Variants in RUFY2 observed in about 807,000 individuals in gnomAD.
The protein encoded by RUFY2 is RUN and FYVE domain containing 2.
RUFY2 carries 49 observed loss-of-function variants against 94.4 expected under a neutral mutation model. That is an observed-to-expected ratio of 0.52 (90% CI 0.41 to 0.66). The LOEUF (loss-of-function observed/expected upper bound fraction) is 0.66, where lower values mean the gene tolerates loss of function less well. RUFY2 is among the 30% of genes least tolerant of loss of function. The pLI is 0.00. For missense variants in RUFY2, 541 were observed against 692.8 expected (o/e 0.78, Z 2.46); for synonymous variants, 255 against 235.7 (o/e 1.08, Z -0.75).
intron 16 of RUFY2, among the ~76,000 whole-genome samples, chr10:68,349,833 C>T (rs1012199164): frequency 6.0e-5 from 9 of 151,146 alleles, no homozygotes; most frequent in Middle Eastern, 3.2e-3. Context: ...CCACCGCGCC[C>T]GGCCAGAAAA....
intron 6 of RUFY2, 68 bp downstream of exon 6, chr10:68,394,007 A>C (rs1377388393): frequency 6.9e-7 from 1 of 1,458,924 alleles, no homozygotes; most frequent in Non-Finnish European, 9.1e-7. Context: ...AAATAGATGG[A>C]TCTTATAATG....
intron 15 of RUFY2, among the ~76,000 whole-genome samples, chr10:68,357,898 A>C (rs1013663528): frequency 4.6e-5 from 7 of 152,172 alleles, no homozygotes; most frequent in Non-Finnish European, 8.8e-5. Context: ...TTAAAATTAC[A>C]ATGACTAGTT....
At chr10:68,378,630 A>C in intron 12 of RUFY2, 2 of 1,613,196 alleles carry the variant, frequency 1.2e-6, no homozygotes, top group Non-Finnish European at 1.7e-6. Flanking sequence ...TTCACCAATG[A>C]CATTGCAATT....
intron 3 of RUFY2, among the ~76,000 whole-genome samples, chr10:68,399,340 C>A (rs954110465): frequency 5.9e-5 from 9 of 152,140 alleles, no homozygotes; most frequent in Non-Finnish European, 1.2e-4. Context: ...CCACCACACC[C>A]AGCCACTTTA....
chr10:68,358,249 T>C lies in RUFY2; in HGVS notation c.1551-2848A>G, dbSNP rs116499677. ...AATTGGAATGACTAAAACATTAGTA[T>C]TAATTCTCTTACAAATGAAATTCCT... is the stretch of plus-strand genomic sequence containing the variant. On this transcript the variant is annotated intron_variant, in intron 15 of 17. Transcript: ENST00000602465. Among the ~76,000 whole-genome samples the C allele has an allele frequency of 6.2e-3, 940 of 152,268 alleles. 16 individuals are homozygous for C. The highest frequency in any genetic ancestry group is 0.022 in the African/African-American group (903 of 41,568).
intron 16 of RUFY2, among the ~76,000 whole-genome samples, chr10:68,350,944 C>A (rs979409484): frequency 6.6e-6 from 1 of 151,902 alleles, no homozygotes; most frequent in Non-Finnish European, 1.5e-5. Flanking sequence ...CTCCCGACCT[C>A]AGGTGATCTG....
chr10:68,382,080 G>A (rs1396140376), intron 10 of RUFY2, among the ~76,000 whole-genome samples: 5 of 145,378 alleles, frequency 3.4e-5, no homozygotes, highest in Admixed American at 1.4e-4. Context: ...ACGGAGTCTC[G>A]CTCTGTTGCC....
intron 16 of RUFY2, among the ~76,000 whole-genome samples, chr10:68,350,040 C>T (rs1274357884): frequency 1.3e-5 from 2 of 151,922 alleles, no homozygotes; most frequent in African/African-American, 2.4e-5. Flanking sequence ...GATGGAGTCT[C>T]GCTCTGTCGC....
At chr10:68,352,663 G>C (rs905230304) in intron 16 of RUFY2, among the ~76,000 whole-genome samples, 2 of 152,144 alleles carry the variant, frequency 1.3e-5, no homozygotes, top group African/African-American at 4.8e-5. Context: ...GGGCACGGTG[G>C]CTCACACCTG....
At chr10:68,359,875 G>A (rs546544387) in intron 15 of RUFY2, among the ~76,000 whole-genome samples, 1 of 151,472 alleles carries the variant, frequency 6.6e-6, no homozygotes, top group South Asian at 2.1e-4. Context: ...AATAATTAAG[G>A]AAATGAAAAT....
At chr10:68,376,429 CA>C (rs1195818626) in intron 13 of RUFY2, among the ~76,000 whole-genome samples, 1 of 85,086 alleles carries the variant, frequency 1.2e-5, no homozygotes, top group Non-Finnish European at 2.5e-5. Context: ...AACTTCATCT[CA>C]AAAAAATGTG....
intron 15 of RUFY2, among the ~76,000 whole-genome samples, chr10:68,361,048 AAG>A (rs1416455211): frequency 6.6e-6 from 1 of 152,040 alleles, no homozygotes; most frequent in Non-Finnish European, 1.5e-5. Flanking sequence ...TTTGGAGGCC[AAG>A]GCAGGCAGAT....
intron 1 of RUFY2, chr10:68,406,658 C>A (rs1480347865): frequency 1.3e-5 from 16 of 1,196,654 alleles, no homozygotes; most frequent in Non-Finnish European, 1.7e-5. Context: ...CTTGCCGGGG[C>A]CTAGAGCCCC....
chr10:68,362,255 G>C (rs2047507124), intron 15 of RUFY2, among the ~76,000 whole-genome samples: 2 of 152,156 alleles, frequency 1.3e-5, no homozygotes, highest in Admixed American at 1.3e-4. Flanking sequence ...GTGAGCCTGA[G>C]AGATCAAGGA....
At chr10:68,391,119 A>G (rs2049950114) in intron 7 of RUFY2, among the ~76,000 whole-genome samples, 1 of 150,500 alleles carries the variant, frequency 6.6e-6, no homozygotes, top group Admixed American at 6.6e-5. Flanking sequence ...ATTTTTTAGT[A>G]GAGATGGGGT....
intron 10 of RUFY2, among the ~76,000 whole-genome samples, chr10:68,383,012 T>C (rs528967031): frequency 1.3e-5 from 2 of 152,290 alleles, no homozygotes; most frequent in Admixed American, 6.5e-5. Context: ...AATCATATAC[T>C]GTAACTTACA....
chr10:68,406,975 C>A, intron 1 of RUFY2: 2 of 1,536,128 alleles, frequency 1.3e-6, no homozygotes, highest in Admixed American at 2.0e-5. Context: ...AGAACCCGGG[C>A]GGGAACGGGC....
At chr10:68,399,758 T>C (rs1589993200) in intron 3 of RUFY2, among the ~76,000 whole-genome samples, 1 of 152,184 alleles carries the variant, frequency 6.6e-6, no homozygotes, top group African/African-American at 2.4e-5. Flanking sequence ...AAAGGGAGGC[T>C]GGGCGCTGTG....
chr10:68,364,183 TA>T, intron 13 of RUFY2, 70 bp from the exon 14 acceptor site: 1 of 1,416,720 alleles, frequency 7.1e-7, no homozygotes, highest in Non-Finnish European at 9.5e-7. Context: ...TATTCTTTAC[TA>T]AAATCACCCT....
Sources: gnomAD v4.1 joint callset for allele counts (sites outside exome capture counted in the v4.1 genomes callset) on GRCh38, gnomAD v4.1.1 for gene constraint, MANE v1.5 for transcripts, NCBI Gene and HGNC (gene_info 2026-07-23, HGNC 2026-07-21) for gene names.